Variants in PCDH15 observed in about 807,000 individuals in gnomAD.
PCDH15 encodes the protein protocadherin related 15, also known as protocadherin-15.
In PCDH15, 129 loss-of-function variants were observed where a neutral mutation model predicts 178.5. The observed-to-expected ratio is 0.72, with a 90% CI of 0.63 to 0.84. The LOEUF (loss-of-function observed/expected upper bound fraction) is 0.84. PCDH15 is among the 40% of genes least tolerant of loss of function. The probability of loss-of-function intolerance (pLI) is 0.00; values close to 1 mark genes in which losing one functional copy is unlikely to be tolerated. For missense variants in PCDH15, 2,230 were observed against 2,099.9 expected (o/e 1.06, Z -1.21); for synonymous variants, 800 against 732.0 (o/e 1.09, Z -1.50).
intron 5 of PCDH15, among the ~76,000 whole-genome samples, chr10:54,349,108 C>T (rs947402467): frequency 1.3e-5 from 2 of 151,964 alleles, no homozygotes. Flanking sequence ...AACAAAAAAT[C>T]AAAATAAAAC....
At chr10:55,055,648 C>T (rs1841278660) in intron 2 of PCDH15, among the ~76,000 whole-genome samples, 1 of 151,894 alleles carries the variant, frequency 6.6e-6, no homozygotes, top group African/African-American at 2.4e-5. Context: ...TCAAAAAGTA[C>T]AAAAATTAGC....
chr10:55,278,634 G>A (rs1163045015), intron 1 of PCDH15, among the ~76,000 whole-genome samples: 1 of 152,114 alleles, frequency 6.6e-6, no homozygotes, highest in Non-Finnish European at 1.5e-5. Context: ...GAGCTAAATA[G>A]TAATTAAGAT....
At chr10:54,186,201 A>G (rs961781072) in intron 11 of PCDH15, among the ~76,000 whole-genome samples, 1 of 152,012 alleles carries the variant, frequency 6.6e-6, no homozygotes, top group African/African-American at 2.4e-5. Flanking sequence ...TGATACAGGG[A>G]GGTAAGGTGT....
intron 2 of PCDH15, among the ~76,000 whole-genome samples, chr10:55,042,257 T>C (rs1840882979): frequency 6.6e-6 from 1 of 152,086 alleles, no homozygotes; most frequent in East Asian, 1.9e-4. Context: ...CTCAACAAAT[T>C]ATATTGCAAA....
At chr10:55,123,380 A>AT (rs569797348) in intron 2 of PCDH15, among the ~76,000 whole-genome samples, 30 of 152,052 alleles carry the variant, frequency 2.0e-4, no homozygotes, top group Middle Eastern at 3.2e-3. Flanking sequence ...TAAAAACAAA[A>AT]TTTTTTTAAT....
intron 2 of PCDH15, among the ~76,000 whole-genome samples, chr10:55,092,854 C>T (rs1410654751): frequency 2.0e-5 from 3 of 151,934 alleles, no homozygotes; most frequent in East Asian, 1.9e-4. Flanking sequence ...AAAAGACACA[C>T]ACACATCACA....
At chr10:54,936,177 T>A (rs1670819) in intron 2 of PCDH15, among the ~76,000 whole-genome samples, 1 of 151,730 alleles carries the variant, frequency 6.6e-6, no homozygotes, top group Non-Finnish European at 1.5e-5. Flanking sequence ...TCTCACTTAG[T>A]GTAATATTTT....
In PCDH15 at chr10:55,388,588, T is replaced by C. The variant is rs546570062; in HGVS notation, c.-155-221937A>G. On this transcript the variant is annotated intron_variant, in intron 2 of 5. Coordinates refer to the PCDH15 transcript ENST00000613346. ...TAATAATGAGAAGAAATGGTTTAAG[T>C]CCTAAATGCTATTCTATATGTACAA... Among the ~76,000 whole-genome samples, 341 of 152,210 alleles carry C rather than the reference T, an allele frequency of 2.2e-3. 3 individuals carry two copies. The highest frequency in any genetic ancestry group is 7.8e-3 in the African/African-American group (325 of 41,548).
rs1429765146 is a variant in PCDH15 at position 53,995,783 on chromosome 10, G to A, written c.2752-18C>T. 1 of 1,610,518 alleles carries A rather than the reference G, an allele frequency of 6.2e-7. No homozygotes were observed. The highest frequency in any genetic ancestry group is 8.5e-7 in the Non-Finnish European group (1 of 1,177,168). ...TTCATATCCTGTAAAACACAATTAG[G>A]AGTTTAGTACTTCAGTTGAAACCAG... On this transcript the variant is annotated intron_variant, in intron 20 of 37. Transcript: ENST00000644397.
intron 1 of PCDH15, among the ~76,000 whole-genome samples, chr10:54,681,585 C>T (rs2094899755): frequency 6.6e-6 from 1 of 152,090 alleles, no homozygotes; most frequent in Non-Finnish European, 1.5e-5. Flanking sequence ...TGTGTATTTG[C>T]AAAACAGAAG....
intron 1 of PCDH15, among the ~76,000 whole-genome samples, chr10:55,293,680 T>A (rs1184290310): frequency 6.6e-6 from 1 of 152,186 alleles, no homozygotes; most frequent in Non-Finnish European, 1.5e-5. Context: ...GCCAGCCTCT[T>A]TGCTAAAACA....
intron 23 of PCDH15, among the ~76,000 whole-genome samples, chr10:53,948,679 G>T (rs2086771256): frequency 6.6e-6 from 1 of 152,164 alleles, no homozygotes; most frequent in South Asian, 2.1e-4. Context: ...TTTCCATGGA[G>T]ATTGTGGAAG....
rs138363888 is a variant in PCDH15, at chr10:53,938,860, C to T, written c.3328G>A (p.Asp1110Asn). The change falls in exon 25 of 38, where the codon GAT becomes AAT. Residue 1110 changes from aspartate to asparagine, a missense_variant. Asp to Asn is a conservative substitution (Grantham distance 23, BLOSUM62 1). Transcript: ENST00000644397. ...RTSYVLRVQA[D>N]SLEVVLANLR... is the part of the protein sequence containing the mutation. ...TTGGCAAGGACCACTTCCAGGGAAT[C>T]AGCTTGGACTCGAAGTACATAGCTT... 7.4e-6 allele frequency: 12 copies of T among 1,613,506 alleles called. No individual in the cohort carries two copies. In the African/African-American group the frequency reaches 1.5e-4, roughly 20 times the overall value.
chr10:54,435,078 C>T (rs1443434529), intron 3 of PCDH15, among the ~76,000 whole-genome samples: 1 of 152,110 alleles, frequency 6.6e-6, no homozygotes, highest in Non-Finnish European at 1.5e-5. Flanking sequence ...TTTTAAAACT[C>T]TGTCAGATTT....
At chr10:54,884,291 A>G (rs1396921673) in intron 3 of PCDH15, among the ~76,000 whole-genome samples, 2 of 149,802 alleles carry the variant, frequency 1.3e-5, no homozygotes, top group Non-Finnish European at 3.0e-5. Flanking sequence ...TCAAAAGAAA[A>G]GGCTATCAAT....
At chr10:55,202,457 C>T (rs1840278624) in intron 1 of PCDH15, among the ~76,000 whole-genome samples, 2 of 152,116 alleles carry the variant, frequency 1.3e-5, no homozygotes, top group South Asian at 4.1e-4. Context: ...AGGTATGTGC[C>T]TTTCTGCTTC....
intron 1 of PCDH15, among the ~76,000 whole-genome samples, chr10:54,712,900 G>C (rs1393971353): frequency 6.6e-6 from 1 of 152,052 alleles, no homozygotes; most frequent in Non-Finnish European, 1.5e-5. Flanking sequence ...TCACTATGCA[G>C]TAAAACAGAT....
intron 2 of PCDH15, among the ~76,000 whole-genome samples, chr10:55,114,192 C>T (rs1360365236): frequency 6.6e-6 from 1 of 152,156 alleles, no homozygotes; most frequent in Non-Finnish European, 1.5e-5. Context: ...ACCTCATGAT[C>T]CTCCTGCCTT....
intron 2 of PCDH15, among the ~76,000 whole-genome samples, chr10:55,119,616 T>A (rs1837716021): frequency 6.6e-6 from 1 of 152,218 alleles, no homozygotes; most frequent in African/African-American, 2.4e-5. Context: ...CCTCTTCCTC[T>A]GACCCTAGCA....
Sources: allele counts gnomAD v4.1 joint callset (sites outside exome capture counted in the v4.1 genomes callset), GRCh38; gene constraint gnomAD v4.1.1; transcripts MANE v1.5; gene names NCBI Gene and HGNC (gene_info 2026-07-23, HGNC 2026-07-21).